Variants in LRRC39 observed in about 807,000 individuals in gnomAD.
LRRC39 encodes the protein leucine rich repeat containing 39.
A neutral mutation model predicts 39.7 loss-of-function variants in LRRC39; 35 were observed. The ratio of observed to expected loss-of-function variants is 0.88; its 90% CI spans 0.67 to 1.17. The LOEUF (loss-of-function observed/expected upper bound fraction) is 1.17. LRRC39 is among the 50% of genes most tolerant of loss of function. LRRC39 has a pLI of 0.00. For missense variants in LRRC39, 357 were observed against 385.8 expected (o/e 0.93, Z 0.62); for synonymous variants, 113 against 134.1 (o/e 0.84, Z 1.09).
intron 1 of LRRC39, among the ~76,000 whole-genome samples, chr1:100,175,345 G>A (rs938557213): frequency 2.0e-5 from 3 of 149,770 alleles, no homozygotes; most frequent in African/African-American, 7.4e-5. Flanking sequence ...GAACCAGTGT[G>A]CCAGTTTTTT....
intron 3 of LRRC39, among the ~76,000 whole-genome samples, chr1:100,166,810 G>A (rs1039409702): frequency 1.3e-4 from 20 of 152,194 alleles, no homozygotes; most frequent in Non-Finnish European, 2.4e-4. Context: ...TAATCACCAA[G>A]ACAATGGTTT....
At chr1:100,172,915 A>C (rs937376069) in intron 2 of LRRC39, among the ~76,000 whole-genome samples, 9 of 150,176 alleles carry the variant, frequency 6.0e-5, no homozygotes, top group Non-Finnish European at 1.2e-4. Context: ...AGCTGAGATC[A>C]TGCCACTGCA....
intron 5 of LRRC39, among the ~76,000 whole-genome samples, chr1:100,158,639 T>C (rs1490469264): frequency 6.6e-6 from 1 of 152,130 alleles, no homozygotes; most frequent in Non-Finnish European, 1.5e-5. Context: ...GGTTTCACCG[T>C]GTTAGCCAGG....
chr1:100,159,224 TA>T (rs770222146), intron 5 of LRRC39, 34 bp downstream of exon 5: 1 of 1,538,460 alleles, frequency 6.5e-7, no homozygotes, highest in Non-Finnish European at 8.7e-7. Flanking sequence ...TGCAGGTGGA[TA>T]AAATAGCACA....
intron 3 of LRRC39, among the ~76,000 whole-genome samples, chr1:100,165,891 T>TTTTA (rs1659204954): frequency 6.6e-6 from 1 of 150,718 alleles, no homozygotes; most frequent in Non-Finnish European, 1.5e-5. Context: ...TTTTTTTTTT[T>TTTTA]GAGATGGAAT....
At chr1:100,157,676 T>C (rs1658567103) in intron 6 of LRRC39, among the ~76,000 whole-genome samples, 1 of 152,244 alleles carries the variant, frequency 6.6e-6, no homozygotes, top group Non-Finnish European at 1.5e-5. Flanking sequence ...TTTATTATTT[T>C]TCTTAACTTT....
At chr1:100,150,353 C>A (rs1200329598) in intron 9 of LRRC39, 3 of 152,008 alleles carry the variant, frequency 2.0e-5, no homozygotes, top group Admixed American at 6.6e-5. Context: ...ACCCATGTCC[C>A]CAATCAAGGG....
Position 100,168,596 on chromosome 1 carries a change from T to C in LRRC39, c.-78-2A>G. 1 of 1,033,944 alleles carries C rather than the reference T, an allele frequency of 9.7e-7. No individual in the cohort carries two copies. The highest frequency in any genetic ancestry group is 1.5e-6 in the Non-Finnish European group (1 of 684,616). 64.0% of individuals were successfully genotyped at this position (1,033,944 alleles called of 1,614,324 possible). On this transcript the variant is annotated splice_acceptor_variant, in intron 2 of 9. Coordinates refer to ENST00000370137, the MANE Select transcript of LRRC39 (RefSeq NM_144620.4). LOFTEE classifies it low-confidence loss of function (5UTR_SPLICE). Reference sequence around the variant, plus strand: ...CATAGATACCATTTCAGAAAGGACCTAAATGTACCAGAGAAAAAAAGCAAT... The same window carrying C: ...CATAGATACCATTTCAGAAAGGACCCAAATGTACCAGAGAAAAAAAGCAAT...
In LRRC39 at chr1:100,168,468, C is replaced by G; in HGVS notation, c.49G>C (p.Val17Leu). 2 of 1,612,364 alleles carry G rather than the reference C, an allele frequency of 1.2e-6. No individual in the cohort carries two copies. The highest frequency in any genetic ancestry group is 1.7e-6 in the Non-Finnish European group (2 of 1,179,548). The change falls in exon 3 of 10, where the codon GTT becomes CTT. Residue 17 changes from valine to leucine, a missense_variant. Transcript: ENST00000370137. Reference protein sequence around the residue: ...CTGAVNAVKEVWEKRIKKLNE... With the variant: ...CTGAVNAVKELWEKRIKKLNE... ...AGTTTCTTTATTCTTTTTTCCCAAA[C>G]TTCCTTTACAGCATTGACAGCCCCA... is the stretch of plus-strand genomic sequence containing the variant.
chr1:100,165,848 T>C lies in LRRC39; in HGVS notation c.113+2556A>G, dbSNP rs116804416. ...TCTCATTCTCTCTCCCAAGATCTGA[T>C]GGTTTTATGAGAGGTTTCCCCTTTC... On this transcript the variant is annotated intron_variant, in intron 3 of 9. Transcript: ENST00000370137. Among the ~76,000 whole-genome samples the C allele has an allele frequency of 3.1e-3, 472 of 151,494 alleles. 3 individuals carry two copies. Among genetic ancestry groups the C allele is most frequent in the African/African-American group, 0.011 (440 of 41,222 alleles).
intron 3 of LRRC39, among the ~76,000 whole-genome samples, chr1:100,162,825 A>C (rs1368038252): frequency 1.3e-5 from 2 of 152,196 alleles, no homozygotes; most frequent in Non-Finnish European, 2.9e-5. Flanking sequence ...ACTAATTTGA[A>C]TATTTGTTTG....
At chr1:100,179,656 G>T (rs1037540074), upstream of LRRC39, among the ~76,000 whole-genome samples, 6 of 150,764 alleles carry the variant, frequency 4.0e-5, no homozygotes, top group African/African-American at 1.5e-4. Flanking sequence ...AGGATACCTT[G>T]AGCCAGGGAG....
intron 3 of LRRC39, among the ~76,000 whole-genome samples, chr1:100,164,999 C>T (rs961011471): frequency 1.3e-5 from 2 of 152,122 alleles, no homozygotes; most frequent in Non-Finnish European, 2.9e-5. Context: ...AGCCAGCATA[C>T]CTGGAAAATT....
At chr1:100,160,608 T>C (rs2101778062) in intron 3 of LRRC39, 37 bp from the exon 4 acceptor site, 2 of 1,521,048 alleles carry the variant, frequency 1.3e-6, no homozygotes, top group African/African-American at 1.4e-5. Context: ...TCATAGACAA[T>C]TACATAAGTG....
At chr1:100,155,734 C>G (rs529335417) in intron 7 of LRRC39, among the ~76,000 whole-genome samples, 5 of 152,216 alleles carry the variant, frequency 3.3e-5, no homozygotes, top group African/African-American at 4.8e-5. Flanking sequence ...TGGGGCCAGG[C>G]TGCCTAGGTT....
intron 1 of LRRC39, among the ~76,000 whole-genome samples, chr1:100,173,822 T>G (rs779470811): frequency 1.3e-5 from 2 of 152,166 alleles, no homozygotes; most frequent in Non-Finnish European, 2.9e-5. Flanking sequence ...AAATATATAT[T>G]AAGTTCTGAA....
intron 3 of LRRC39, among the ~76,000 whole-genome samples, chr1:100,167,705 G>A (rs1440457646): frequency 6.6e-6 from 1 of 151,736 alleles, no homozygotes; most frequent in Non-Finnish European, 1.5e-5. Context: ...GAATCTGGGA[G>A]GCGGAGGTTG....
chr1:100,151,167 A>G (rs1241265989), intron 9 of LRRC39, among the ~76,000 whole-genome samples: 1 of 151,640 alleles, frequency 6.6e-6, no homozygotes, highest in Non-Finnish European at 1.5e-5. Context: ...CAAAATTAGA[A>G]ATCATCTTCT....
intron 1 of LRRC39, among the ~76,000 whole-genome samples, chr1:100,177,371 C>T (rs1409407361): frequency 2.0e-5 from 3 of 152,016 alleles, no homozygotes; most frequent in Non-Finnish European, 4.4e-5. Flanking sequence ...GTGTGTGAGA[C>T]AGTCAAAGAA....
Sources: gnomAD v4.1 joint callset for allele counts (sites outside exome capture counted in the v4.1 genomes callset) on GRCh38, gnomAD v4.1.1 for gene constraint, MANE v1.5 for transcripts, NCBI Gene and HGNC (gene_info 2026-07-23, HGNC 2026-07-21) for gene names.